Variants in TUSC3 observed in about 807,000 individuals in gnomAD.
TUSC3 encodes tumor suppressor candidate 3.
A neutral mutation model predicts 44.8 loss-of-function variants in TUSC3; 45 were observed. That is an observed-to-expected ratio of 1.00 (90% confidence interval 0.79 to 1.29). The LOEUF is 1.29. Among genes scored for constraint, TUSC3 ranks in the 50% most tolerant of loss-of-function variants. The probability of loss-of-function intolerance (pLI) is 0.00; values close to 1 mark genes in which losing one functional copy is unlikely to be tolerated. For missense variants in TUSC3, 519 were observed against 437.9 expected, an observed-to-expected ratio of 1.19 and a Z score of -1.65; for synonymous variants, 212 against 152.9, an observed-to-expected ratio of 1.39 and a Z score of -2.85.
chr8:15,445,842 G>T (rs1250478739), intron 1 of TUSC3, among the ~76,000 whole-genome samples: 1 of 152,248 alleles, frequency 6.6e-6, no homozygotes, highest in Non-Finnish European at 1.5e-5. Flanking sequence ...ACACCTCCCA[G>T]ATGGTAGACG....
At chr8:15,552,137 T>G (rs1802080416) in intron 1 of TUSC3, among the ~76,000 whole-genome samples, 1 of 151,790 alleles carries the variant, frequency 6.6e-6, no homozygotes, top group South Asian at 2.1e-4. Context: ...TCATATTATG[T>G]ACCTTTTGAT....
At chr8:15,529,873 C>G (rs1164383706) in intron 2 of TUSC3, among the ~76,000 whole-genome samples, 1 of 110,404 alleles carries the variant, frequency 9.1e-6, no homozygotes, top group African/African-American at 3.7e-5. Flanking sequence ...TCTCGGCTCA[C>G]TGCAAGCTCC....
chr8:15,770,187 TAAAG>T (rs2129227097), downstream of TUSC3, among the ~76,000 whole-genome samples: 1 of 152,158 alleles, frequency 6.6e-6, no homozygotes, highest in South Asian at 2.1e-4. Flanking sequence ...ATAGACTGGA[TAAAG>T]AAAATGTGGC....
At chr8:15,757,346 A>T (rs1229199255) in intron 9 of TUSC3, among the ~76,000 whole-genome samples, 1 of 152,224 alleles carries the variant, frequency 6.6e-6, no homozygotes, top group Non-Finnish European at 1.5e-5. Context: ...ACAGAATAAC[A>T]GCTAAAAATG....
At chr8:15,563,929 T>G (rs1304395866) in intron 1 of TUSC3, among the ~76,000 whole-genome samples, 1 of 152,086 alleles carries the variant, frequency 6.6e-6, no homozygotes, top group African/African-American at 2.4e-5. Context: ...TTCATGAGGA[T>G]ATGAACAATT....
intron 2 of TUSC3, among the ~76,000 whole-genome samples, chr8:15,635,691 A>G (rs1453759234): frequency 6.6e-6 from 1 of 152,208 alleles, no homozygotes; most frequent in Non-Finnish European, 1.5e-5. Flanking sequence ...CTAAGAACAG[A>G]TGCGTATGAT....
chr8:15,814,548 G>A, the TUSC3 span, among the ~76,000 whole-genome samples: 4,696 of 152,252 alleles, frequency 0.031, 247 homozygotes, highest in African/African-American at 0.11. Flanking sequence ...TGCACTTTAG[G>A]TGATTGAATT....
At chr8:15,695,875 G>T (rs2129192725) in intron 6 of TUSC3, among the ~76,000 whole-genome samples, 1 of 152,270 alleles carries the variant, frequency 6.6e-6, no homozygotes, top group East Asian at 1.9e-4. Flanking sequence ...TAGGGTATGT[G>T]GTGGAAGAAA....
chr8:15,468,326 A>G (rs1474665189), intron 1 of TUSC3, among the ~76,000 whole-genome samples: 1 of 152,198 alleles, frequency 6.6e-6, no homozygotes, highest in Admixed American at 6.5e-5. Flanking sequence ...CGGCTAGTCA[A>G]GAGTGTTCAT....
In TUSC3 at chr8:15,764,223, A is replaced by C; in HGVS notation, c.*67A>C. On this transcript the variant is annotated 3_prime_UTR_variant, in exon 11 of 11. Transcript: ENST00000503731. ...TTCAGCTTTTTAATTAAATGAAGCCAAGTGGGATTTGCATAAAGTGAATGT... is the reference window on the plus strand; with the variant it reads ...TTCAGCTTTTTAATTAAATGAAGCCCAGTGGGATTTGCATAAAGTGAATGT... 1 of 1,607,028 alleles carries C rather than the reference A, an allele frequency of 6.2e-7. No individual in the cohort carries two copies. Among genetic ancestry groups the C allele is most frequent in the Non-Finnish European group, 8.5e-7 (1 of 1,174,806 alleles).
At chr8:15,803,962 G>A in the TUSC3 span, among the ~76,000 whole-genome samples, 1 of 152,056 alleles carries the variant, frequency 6.6e-6, no homozygotes, top group Non-Finnish European at 1.5e-5. Flanking sequence ...ATGGGCATTT[G>A]GGTTGCTTCC....
chr8:15,769,474 C>G (rs1812403597), downstream of TUSC3, among the ~76,000 whole-genome samples: 1 of 152,132 alleles, frequency 6.6e-6, no homozygotes, highest in Non-Finnish European at 1.5e-5. Context: ...ACCTTAAAAA[C>G]CCTAGAAGAA....
At chr8:15,785,663 T>TAC in the TUSC3 span, among the ~76,000 whole-genome samples, 1 of 152,074 alleles carries the variant, frequency 6.6e-6, no homozygotes, top group African/African-American at 2.4e-5. Context: ...CCCTGCCTCC[T>TAC]ACACACACAC....
chr8:15,616,200 G>T (rs192769335), intron 1 of TUSC3, among the ~76,000 whole-genome samples: 1 of 152,174 alleles, frequency 6.6e-6, no homozygotes, highest in East Asian at 1.9e-4. Context: ...TTTCAATAGG[G>T]ACTAATTTCT....
chr8:15,760,934 A>T lies in TUSC3; in HGVS notation c.*46+3079A>T, dbSNP rs2721225. ...GAGTTTTGCTTTTTCAGTTCTTGTA[A>T]CACCGTCATCATCTCAAATATGTCA... On this transcript the variant is annotated intron_variant, in intron 10 of 10. Transcript: ENST00000503731. Among the ~76,000 whole-genome samples, 1,495 of 152,240 alleles carry T rather than the reference A, an allele frequency of 9.8e-3. 9 individuals are homozygous for T. Among genetic ancestry groups the T allele is most frequent in the Middle Eastern group, 0.027 (8 of 294 alleles).
At chr8:15,832,865 A>C in the TUSC3 span, among the ~76,000 whole-genome samples, 2 of 152,196 alleles carry the variant, frequency 1.3e-5, no homozygotes, top group Admixed American at 1.3e-4. Flanking sequence ...ACAGTATTAG[A>C]TAGATCATCA....
At chr8:15,560,334 C>T (rs1460344134) in intron 1 of TUSC3, among the ~76,000 whole-genome samples, 19 of 139,342 alleles carry the variant, frequency 1.4e-4, no homozygotes, top group Admixed American at 1.4e-3. Context: ...TATTGGCCCC[C>T]ACTCTCTTCT....
chr8:15,465,024 A>G (rs1456932357), intron 1 of TUSC3, among the ~76,000 whole-genome samples: 3 of 151,892 alleles, frequency 2.0e-5, no homozygotes, highest in African/African-American at 7.3e-5. Flanking sequence ...TAATTTTTGT[A>G]TTTTTAGTAG....
rs192271842 is a variant in TUSC3, at chr8:15,460,678, C to G, written n.92-22708C>G. 5.8e-3 allele frequency among the ~76,000 whole-genome samples: 878 copies of G among 152,202 alleles called. 7 individuals carry two copies. Among genetic ancestry groups the G allele is most frequent in the Middle Eastern group, 0.014 (4 of 294 alleles). ...TAGCTTCAGGTCTTAGATTTAAGTC[C>G]GTAATCCATCTTGAGTTGATTTTTG... is the stretch of plus-strand genomic sequence containing the variant. On this transcript the variant is annotated intron_variant and non_coding_transcript_variant, in intron 1 of 5. Transcript: ENST00000503191.
Sources: gnomAD v4.1 joint callset for allele counts (sites outside exome capture counted in the v4.1 genomes callset) on GRCh38, gnomAD v4.1.1 for gene constraint, MANE v1.5 for transcripts, NCBI Gene and HGNC (gene_info 2026-07-23, HGNC 2026-07-21) for gene names.